TBC1D19: variants seen among roughly 807,000 people sequenced by gnomAD.
TBC1D19 encodes the protein TBC1 domain family member 19.
TBC1D19 carries 60 observed loss-of-function variants against 89.0 expected under a neutral mutation model. The observed-to-expected ratio is 0.67, with a 90% confidence interval of 0.55 to 0.84. The LOEUF (loss-of-function observed/expected upper bound fraction) is 0.84. TBC1D19 is among the 40% of genes least tolerant of loss of function. The probability of loss-of-function intolerance (pLI) is 0.00; values close to 1 mark genes in which losing one functional copy is unlikely to be tolerated. For synonymous variants in TBC1D19, 189 were observed against 199.7 expected, an observed-to-expected ratio of 0.95 and a Z score of 0.45; for missense variants, 500 against 610.8, an observed-to-expected ratio of 0.82 and a Z score of 1.91.
the TBC1D19 span, among the ~76,000 whole-genome samples, chr4:26,770,412 A>G: frequency 6.6e-6 from 1 of 152,180 alleles, no homozygotes; most frequent in African/African-American, 2.4e-5. Context: ...CAAAACTGAT[A>G]GAATTGCAAG....
chr4:26,605,470 T>C (rs1287937791), intron 1 of TBC1D19, among the ~76,000 whole-genome samples: 1 of 152,040 alleles, frequency 6.6e-6, no homozygotes, highest in Admixed American at 6.6e-5. Flanking sequence ...ACATTTGGGT[T>C]GGTTCCAAGT....
rs192613917 is a variant in TBC1D19, at chr4:26,645,269, A to G, written c.480+5082A>G. On this transcript the variant is annotated intron_variant, in intron 7 of 20. Coordinates refer to ENST00000264866, the MANE Select transcript of TBC1D19 (RefSeq NM_018317.4). ...ACTTCAAACTGTACTACAAGGCTAC[A>G]GTAACCAAAAGAGCATGGTACTGGT... Among the ~76,000 whole-genome samples, 361 of 152,358 alleles carry G rather than the reference A, an allele frequency of 2.4e-3. 3 individuals are homozygous for G. Among genetic ancestry groups the G allele is most frequent in the Middle Eastern group, 0.01 (3 of 294 alleles).
At position 26,735,003 on chromosome 4, in the gene TBC1D19, C is replaced by CATATGTATATGTGTATACACATGTAT. The variant is rs1560503936; in HGVS notation, c.1085-436_1085-411dup. Among the ~76,000 whole-genome samples, 1,079 of 115,030 alleles carry CATATGTATATGTGTATACACATGTAT rather than the reference C, an allele frequency of 9.4e-3. 30 individuals carry two copies. The highest frequency in any genetic ancestry group is 0.031 in the African/African-American group (1,033 of 33,370). 75.5% of individuals were successfully genotyped at this position (115,030 alleles called of 152,430 possible). ...ATATGTATATGTATATATGTATACA[C>CATATGTATATGTGTATACACATGTAT]ATATGTATATGTGTATACACATGTA... On this transcript the variant is annotated intron_variant, in intron 15 of 20. Transcript: ENST00000264866.
intron 13 of TBC1D19, among the ~76,000 whole-genome samples, chr4:26,710,234 A>G (rs948660487): frequency 6.6e-6 from 1 of 150,922 alleles, no homozygotes; most frequent in African/African-American, 2.4e-5. Context: ...TCCTGTGTCC[A>G]TGTGTTCTCA....
At chr4:26,666,310 A>T (rs1161888996) in intron 8 of TBC1D19, 23 bp from the exon 9 acceptor site, 4 of 1,595,996 alleles carry the variant, frequency 2.5e-6, no homozygotes, top group Middle Eastern at 1.7e-4. Flanking sequence ...ATCTATGTTA[A>T]TTCTACGTAT....
At chr4:26,819,294 G>A in the TBC1D19 span, among the ~76,000 whole-genome samples, 1 of 152,218 alleles carries the variant, frequency 6.6e-6, no homozygotes, top group Non-Finnish European at 1.5e-5. Context: ...AGTGAAGGTA[G>A]GACGTCCCCT....
intron 2 of TBC1D19, 30 bp from the exon 3 acceptor site, chr4:26,614,378 C>T: frequency 7.0e-7 from 1 of 1,434,634 alleles, no homozygotes; most frequent in Non-Finnish European, 9.6e-7. Flanking sequence ...CTAGTATGTT[C>T]ATATATTTTA....
chr4:26,696,060 T>G (rs1196140165), intron 13 of TBC1D19, among the ~76,000 whole-genome samples: 2 of 152,182 alleles, frequency 1.3e-5, no homozygotes, highest in African/African-American at 2.4e-5. Flanking sequence ...AGACACAGAC[T>G]AGCACATTGG....
chr4:26,858,716 G>A, the TBC1D19 span: 1 of 152,218 alleles, frequency 6.6e-6, no homozygotes, highest in Non-Finnish European at 1.5e-5. Flanking sequence ...TGGCAAAGAT[G>A]ATCTGCGGTG....
In TBC1D19 at chr4:26,715,153, A is replaced by G. The variant is rs531447268; in HGVS notation, c.955-2780A>G. 2.6e-5 allele frequency among the ~76,000 whole-genome samples: 4 copies of G among 152,078 alleles called. No homozygotes were observed. In the South Asian group the frequency reaches 8.3e-4, roughly 32 times the overall value. On this transcript the variant is annotated intron_variant, in intron 13 of 20. Coordinates refer to ENST00000264866, the MANE Select transcript of TBC1D19 (RefSeq NM_018317.4). ...CTCCAATTACCTCTTCAATTTTTCC[A>G]TTTAGATGTCTTGCAGACATCTCAA...
intron 7 of TBC1D19, among the ~76,000 whole-genome samples, chr4:26,650,235 G>C (rs1197805526): frequency 6.6e-6 from 1 of 151,970 alleles, no homozygotes; most frequent in Admixed American, 6.6e-5. Flanking sequence ...CCCCGTAATG[G>C]AATGGCTGGG....
intron 1 of TBC1D19, among the ~76,000 whole-genome samples, chr4:26,593,015 G>T (rs949404949): frequency 3.3e-5 from 5 of 152,138 alleles, no homozygotes; most frequent in African/African-American, 1.2e-4. Flanking sequence ...AACCAAAAAA[G>T]ATCCTGCATT....
intron 1 of TBC1D19, among the ~76,000 whole-genome samples, chr4:26,610,590 T>C (rs1262685081): frequency 1.3e-5 from 2 of 152,060 alleles, no homozygotes; most frequent in Non-Finnish European, 2.9e-5. Flanking sequence ...GTTCCATTCC[T>C]CATCCTCCTC....
At chr4:26,772,647 T>C in the TBC1D19 span, among the ~76,000 whole-genome samples, 1 of 152,092 alleles carries the variant, frequency 6.6e-6, no homozygotes. Context: ...CAGACCCCAG[T>C]GTGTGTTGCT....
the TBC1D19 span, among the ~76,000 whole-genome samples, chr4:26,838,142 T>G: frequency 6.6e-6 from 1 of 152,150 alleles, no homozygotes; most frequent in African/African-American, 2.4e-5. Context: ...TTTCCTCTGT[T>G]TGCCACCAAG....
At chr4:26,760,048 G>T (rs1490792808), downstream of TBC1D19, among the ~76,000 whole-genome samples, 2 of 152,110 alleles carry the variant, frequency 1.3e-5, no homozygotes, top group African/African-American at 4.8e-5. Context: ...CTTCTGAAGT[G>T]GTTCTACTGT....
the TBC1D19 span, among the ~76,000 whole-genome samples, chr4:26,820,064 T>C: frequency 6.6e-6 from 1 of 152,192 alleles, no homozygotes; most frequent in African/African-American, 2.4e-5. Flanking sequence ...TAATTACATA[T>C]AATTGTGGGG....
chr4:26,584,462 AAAAC>A (rs1739292428), intron 1 of TBC1D19, among the ~76,000 whole-genome samples, 170 bp downstream of exon 1: 4 of 151,916 alleles, frequency 2.6e-5, no homozygotes, highest in Non-Finnish European at 5.9e-5. Context: ...AAAACAAAAC[AAAAC>A]AAAAAAACCC....
At chr4:26,736,295 C>CA in intron 16 of TBC1D19, among the ~76,000 whole-genome samples, 1 of 140,954 alleles carries the variant, frequency 7.1e-6, no homozygotes, top group African/African-American at 2.6e-5. Flanking sequence ...ATCGCAAGAA[C>CA]AAAAAACCAA....
Sources: gnomAD v4.1 joint callset for allele counts (sites outside exome capture counted in the v4.1 genomes callset) on GRCh38, gnomAD v4.1.1 for gene constraint, MANE v1.5 for transcripts, NCBI Gene and HGNC (gene_info 2026-07-23, HGNC 2026-07-21) for gene names.